The following HCN1 variants were observed in gnomAD, a reference collection of about 807,000 sequenced individuals.
HCN1 encodes the protein potassium/sodium hyperpolarization-activated cyclic nucleotide-gated channel 1.
HCN1 carries 13 observed loss-of-function variants against 78.9 expected under a neutral mutation model. The ratio of observed to expected loss-of-function variants is 0.16; its 90% confidence interval spans 0.11 to 0.26. The LOEUF is 0.26. Ranked by LOEUF, HCN1 falls within the 10% of genes least tolerant of loss-of-function variation. HCN1 has a pLI of 1.00. For synonymous variants in HCN1, 552 were observed against 455.5 expected, an observed-to-expected ratio of 1.21 and a Z score of -2.70; for missense variants, 810 against 1,154.3, an observed-to-expected ratio of 0.70 and a Z score of 4.32.
At chr5:45,344,071 A>T (rs1049436733) in intron 5 of HCN1, among the ~76,000 whole-genome samples, 32 of 152,288 alleles carry the variant, frequency 2.1e-4, no homozygotes, top group Non-Finnish European at 3.5e-4. Flanking sequence ...GGGAGGCCTC[A>T]GGAAACTTAC....
At chr5:45,536,264 C>T (rs1291867405) in intron 2 of HCN1, among the ~76,000 whole-genome samples, 2 of 151,998 alleles carry the variant, frequency 1.3e-5, no homozygotes, top group Admixed American at 6.6e-5. Flanking sequence ...TCTAATTTTC[C>T]TTTAAAACAT....
intron 4 of HCN1, among the ~76,000 whole-genome samples, chr5:45,358,719 G>A (rs1181827118): frequency 1.3e-5 from 2 of 152,044 alleles, no homozygotes; most frequent in Non-Finnish European, 2.9e-5. Context: ...CTGCAGACAG[G>A]AATAGCCCTA....
chr5:45,565,685 G>A (rs1395625229), intron 2 of HCN1, among the ~76,000 whole-genome samples: 1 of 151,966 alleles, frequency 6.6e-6, no homozygotes, highest in Non-Finnish European at 1.5e-5. Context: ...ATAGCTGGGT[G>A]TGGTGTCACA....
intron 4 of HCN1, among the ~76,000 whole-genome samples, chr5:45,376,320 TTAC>T (rs1747672954): frequency 3.4e-4 from 1 of 2,978 alleles, no homozygotes; most frequent in Non-Finnish European, 1.1e-3. Context: ...ATATGTTATA[TTAC>T]ATATATAACA....
chr5:45,660,668 A>T (rs1745912694), intron 1 of HCN1, among the ~76,000 whole-genome samples: 1 of 146,796 alleles, frequency 6.8e-6, no homozygotes, highest in Admixed American at 6.8e-5. Flanking sequence ...TCTCTGATAA[A>T]ACAGACTTTA....
At chr5:45,673,175 GATTT>G (rs1561240609) in intron 1 of HCN1, among the ~76,000 whole-genome samples, 1 of 151,382 alleles carries the variant, frequency 6.6e-6, no homozygotes, top group Non-Finnish European at 1.5e-5. Flanking sequence ...TAAAAATTAG[GATTT>G]ATCTGGTGTT....
chr5:45,491,638 T>C (rs1387593771), intron 2 of HCN1, among the ~76,000 whole-genome samples: 4 of 152,194 alleles, frequency 2.6e-5, no homozygotes, highest in Non-Finnish European at 5.9e-5. Flanking sequence ...GGGTGTGCTT[T>C]GTATTTAGAC....
chr5:45,625,656 T>C (rs1428006221), intron 2 of HCN1, among the ~76,000 whole-genome samples: 3 of 152,034 alleles, frequency 2.0e-5, no homozygotes, highest in Admixed American at 2.0e-4. Context: ...AGCTTTTTTT[T>C]CAAAGTCTAA....
intron 5 of HCN1, among the ~76,000 whole-genome samples, chr5:45,326,388 T>C (rs1746233841): frequency 1.3e-5 from 2 of 151,670 alleles, no homozygotes; most frequent in Admixed American, 1.3e-4. Flanking sequence ...TTTCTACACT[T>C]GTACCACAAA....
chr5:45,482,574 C>T (rs1741676567), intron 2 of HCN1, among the ~76,000 whole-genome samples: 1 of 152,114 alleles, frequency 6.6e-6, no homozygotes, highest in Admixed American at 6.6e-5. Context: ...TCTCCCAGCC[C>T]CGTGGAACCA....
chr5:45,542,806 A>G (rs899628154), intron 2 of HCN1, among the ~76,000 whole-genome samples: 1 of 152,162 alleles, frequency 6.6e-6, no homozygotes, highest in Non-Finnish European at 1.5e-5. Flanking sequence ...ATTACACTGA[A>G]ATATTTAACA....
chr5:45,441,081 T>C (rs1277312608), intron 3 of HCN1, among the ~76,000 whole-genome samples: 1 of 152,158 alleles, frequency 6.6e-6, no homozygotes, highest in Non-Finnish European at 1.5e-5. Flanking sequence ...TTAAATGTCA[T>C]CTTTTTGGGG....
intron 5 of HCN1, among the ~76,000 whole-genome samples, chr5:45,323,700 T>A (rs1051400618): frequency 2.0e-5 from 3 of 151,986 alleles, no homozygotes; most frequent in African/African-American, 4.8e-5. Context: ...TATCTCCTAA[T>A]GCTATCCCTC....
intron 4 of HCN1, among the ~76,000 whole-genome samples, chr5:45,358,870 C>A (rs991223891): frequency 1.6e-4 from 24 of 152,060 alleles, no homozygotes; most frequent in African/African-American, 4.3e-4. Flanking sequence ...CTTTTAAGAT[C>A]TGACAGAGAA....
chr5:45,573,107 T>C (rs1328524190), intron 2 of HCN1, among the ~76,000 whole-genome samples: 1 of 152,174 alleles, frequency 6.6e-6, no homozygotes, highest in East Asian at 1.9e-4. Context: ...TTAAGAAATT[T>C]CTATGTACAT....
chr5:45,648,606 A>G (rs1421645671), intron 1 of HCN1, among the ~76,000 whole-genome samples: 1 of 152,084 alleles, frequency 6.6e-6, no homozygotes, highest in African/African-American at 2.4e-5. Context: ...AAAAAAGTAA[A>G]TGGGTTCTTA....
chr5:45,414,796 G>A (rs1740088737), intron 3 of HCN1, among the ~76,000 whole-genome samples: 1 of 151,924 alleles, frequency 6.6e-6, no homozygotes, highest in Admixed American at 6.6e-5. Context: ...GCTTATCTCA[G>A]GGCAGTCTTA....
chr5:45,297,370 T>G (rs1745518617), intron 6 of HCN1, among the ~76,000 whole-genome samples: 1 of 152,090 alleles, frequency 6.6e-6, no homozygotes, highest in African/African-American at 2.4e-5. Flanking sequence ...ATTAGGGCCA[T>G]TATGAACATG....
chr5:45,373,520 T>G (rs1039994487), intron 4 of HCN1, among the ~76,000 whole-genome samples: 2 of 141,378 alleles, frequency 1.4e-5, no homozygotes, highest in Non-Finnish European at 3.0e-5. Flanking sequence ...ATCTATAATA[T>G]ATATTACATA....
Sources: gnomAD v4.1 joint callset for allele counts (sites outside exome capture counted in the v4.1 genomes callset) on GRCh38, gnomAD v4.1.1 for gene constraint, MANE v1.5 for transcripts, NCBI Gene and HGNC (gene_info 2026-07-23, HGNC 2026-07-21) for gene names.